Variants in NID2 observed in about 807,000 individuals in gnomAD.
The protein encoded by NID2 is nidogen 2.
NID2 carries 83 observed loss-of-function variants against 145.4 expected under a neutral mutation model. The ratio of observed to expected loss-of-function variants is 0.57; its 90% CI spans 0.48 to 0.69. NID2 has a LOEUF of 0.69. Among genes scored for constraint, NID2 ranks in the 30% least tolerant of loss-of-function variants. The pLI is 0.00. For synonymous variants in NID2, 739 were observed against 701.3 expected, an observed-to-expected ratio of 1.05 and a Z score of -0.85; for missense variants, 1,807 against 1,765.7, an observed-to-expected ratio of 1.02 and a Z score of -0.42.
intron 9 of NID2, among the ~76,000 whole-genome samples, chr14:52,032,804 G>GAAAAAAAAAAAAAAAA (rs3030384): frequency 7.1e-6 from 1 of 141,844 alleles, no homozygotes; most frequent in Non-Finnish European, 1.5e-5. Flanking sequence ...GGCATTAAAA[G>GAAAAAAAAAAAAAAAA]AAAAAAAAAA....
rs537355097 is a variant in NID2 at position 52,028,960 on chromosome 14, G to T, written c.2402-110C>A. On this transcript the variant is annotated intron_variant, in intron 10 of 21. Coordinates refer to ENST00000216286, the MANE Select transcript of NID2 (RefSeq NM_007361.4). ...AGTATGATGCTTCAATGGGACAAAT[G>T]GTTGGCAGATGTAGAATTTTTAAAA... 121 of 1,046,508 alleles carry T rather than the reference G, an allele frequency of 1.2e-4. 1 individual carries two copies. The South Asian group carries it at 2.3e-3, about 20-fold the overall frequency. The allele number at this position is 1,046,508 out of a possible 1,614,324, so 64.8% of individuals were successfully genotyped here. A position where few individuals can be genotyped will look rare whatever the true frequency, so the allele number is the denominator to read the frequency against.
At chr14:52,020,302 C>T (rs891882506) in intron 12 of NID2, 124 bp from the exon 13 acceptor site, 4 of 1,477,078 alleles carry the variant, frequency 2.7e-6, no homozygotes, top group South Asian at 1.3e-5. Flanking sequence ...CTTCAGAAGA[C>T]CTTTGAGCAT....
chr14:52,045,044 T>C (rs1267903328), intron 5 of NID2, among the ~76,000 whole-genome samples: 3 of 152,066 alleles, frequency 2.0e-5, no homozygotes, highest in Non-Finnish European at 1.5e-5. Flanking sequence ...AGCTGGAGAA[T>C]CTTAACTGCT....
Position 52,004,893 on chromosome 14 carries a change from T to A in NID2, c.*593A>T, listed in dbSNP as rs2140333664. On this transcript the variant is annotated 3_prime_UTR_variant, in exon 22 of 22. Transcript: ENST00000216286. The stretch of plus-strand genomic sequence containing the variant: ...TATTTATAAATGTGATACTTTACTT[T>A]CTGTGGGTACTTCTATAGAGGCACT... 1 of 164,644 alleles carries A rather than the reference T, an allele frequency of 6.1e-6. No individual in the cohort carries two copies. The highest frequency in any genetic ancestry group is 2.0e-4 in the South Asian group (1 of 5,076). The allele number at this position is 164,644 out of a possible 1,614,324, so 10.2% of individuals were successfully genotyped here.
intron 14 of NID2, 73 bp from the exon 15 acceptor site, chr14:52,015,348 C>T (rs1244090377): frequency 1.4e-6 from 2 of 1,423,652 alleles, no homozygotes; most frequent in Non-Finnish European, 9.6e-7. Flanking sequence ...AAATGTAGCT[C>T]AAGACCCCAT....
At chr14:52,056,132 G>T (rs1250700680) in intron 3 of NID2, among the ~76,000 whole-genome samples, 1 of 152,156 alleles carries the variant, frequency 6.6e-6, no homozygotes, top group East Asian at 1.9e-4. Flanking sequence ...GACAGTAGGA[G>T]AAAATCCTGA....
intron 2 of NID2, 21 bp from the exon 3 acceptor site, chr14:52,060,377 AAAGAGAGAG>A: frequency 1.7e-6 from 2 of 1,149,488 alleles, no homozygotes; most frequent in Non-Finnish European, 2.4e-6. Flanking sequence ...AAAAAAAAAA[AAAGAGAGAG>A]AGAGAGAGAG....
rs368768720 is a variant in NID2 at position 52,042,292 on chromosome 14, G to C, written c.1638C>G (p.Pro546=). 1.2e-6 allele frequency: 2 copies of C among 1,613,974 alleles called. No individual in the cohort carries two copies. Among genetic ancestry groups the C allele is most frequent in the African/African-American group, 2.7e-5 (2 of 74,918 alleles). ...VSGHLHVGHT[P]VHFTDVDLHA... is the part of the protein sequence containing the mutation. ...GCAGGTCCACATCAGTGAAGTGCACGGGTGTATGGCCCACGTGGAGGTGGC... is the reference window on the plus strand; with the variant it reads ...GCAGGTCCACATCAGTGAAGTGCACCGGTGTATGGCCCACGTGGAGGTGGC... Residue 546 remains proline, a synonymous_variant, in exon 7 of 22, where the codon CCC becomes CCG. Coordinates refer to ENST00000216286, the MANE Select transcript of NID2 (RefSeq NM_007361.4).
chr14:52,005,344 T>C lies in NID2; in HGVS notation c.*142A>G. 2 of 670,990 alleles carry C rather than the reference T, an allele frequency of 3.0e-6. No homozygotes were observed. The highest frequency in any genetic ancestry group is 1.8e-5 in the African/African-American group (1 of 54,848). 41.6% of individuals were successfully genotyped at this position (670,990 alleles called of 1,614,324 possible). ...GTATCAGCTTTTCACAAAAGTCTTT[T>C]TGCACTACAAAATGTTCATCTTGGA... On this transcript the variant is annotated 3_prime_UTR_variant, in exon 22 of 22. Transcript: ENST00000216286.
intron 12 of NID2, among the ~76,000 whole-genome samples, chr14:52,025,562 T>C (rs1314710277): frequency 6.6e-6 from 1 of 152,198 alleles, no homozygotes; most frequent in African/African-American, 2.4e-5. Flanking sequence ...TTTCTTATAG[T>C]TCTAAAGGCT....
chr14:52,040,952 C>T (rs763436335), intron 7 of NID2, 101 bp from the exon 8 acceptor site: 16 of 1,012,482 alleles, frequency 1.6e-5, no homozygotes, highest in Non-Finnish European at 2.2e-5. Context: ...TGTTGGAGAT[C>T]GTGCCTAAGG....
Position 52,007,943 on chromosome 14 carries a change from A to G in NID2, c.3747T>C (p.Asn1249=). 6.2e-7 allele frequency: 1 copy of G among 1,613,302 alleles called. No individual in the cohort carries two copies. Among genetic ancestry groups the G allele is most frequent in the Non-Finnish European group, 8.5e-7 (1 of 1,179,758 alleles). ...IRGNLYWTDW[N]REAPKIETSS... ...ACGTTTCAATTTTAGGAGCTTCTCT[A>G]TTCCAGTCTGTCCAGTACAAGTTGC... Residue 1249 remains asparagine (N), a synonymous_variant, in exon 19 of 22, where the codon AAT becomes AAC. Coordinates refer to ENST00000216286, the MANE Select transcript of NID2 (RefSeq NM_007361.4).
At chr14:52,048,332 G>A (rs1892575687) in intron 5 of NID2, among the ~76,000 whole-genome samples, 1 of 152,194 alleles carries the variant, frequency 6.6e-6, no homozygotes, top group African/African-American at 2.4e-5. Flanking sequence ...CTAGAACGGT[G>A]CTGAGCCCAC....
At chr14:52,015,471 A>G (rs1891186657) in intron 14 of NID2, among the ~76,000 whole-genome samples, 196 bp from the exon 15 acceptor site, 1 of 152,212 alleles carries the variant, frequency 6.6e-6, no homozygotes, top group Non-Finnish European at 1.5e-5. Context: ...GGAATCAGAA[A>G]TAGATCATGT....
chr14:52,053,322 C>T, intron 5 of NID2, among the ~76,000 whole-genome samples: 1 of 152,174 alleles, frequency 6.6e-6, no homozygotes. Flanking sequence ...ACCCAGTTTT[C>T]CCCCACTCAC....
intron 8 of NID2, 64 bp from the exon 9 acceptor site, chr14:52,039,041 A>G (rs948448246): frequency 6.0e-5 from 70 of 1,168,068 alleles, no homozygotes; most frequent in Non-Finnish European, 7.9e-5. Flanking sequence ...TGTGAGGTGG[A>G]TTTTTCTGCA....
At chr14:52,044,519 C>T (rs1892414114) in intron 5 of NID2, among the ~76,000 whole-genome samples, 1 of 152,134 alleles carries the variant, frequency 6.6e-6, no homozygotes, top group Non-Finnish European at 1.5e-5. Flanking sequence ...ATCCACCTGC[C>T]TCGGCCTCCC....
At chr14:52,011,353 A>G (rs1002862389) in intron 17 of NID2, among the ~76,000 whole-genome samples, 2 of 152,228 alleles carry the variant, frequency 1.3e-5, no homozygotes, top group Non-Finnish European at 2.9e-5. Context: ...AAGTGCGCAC[A>G]GTAGGAATCA....
chr14:52,010,836 G>T, intron 18 of NID2, 40 bp downstream of exon 18: 3 of 1,593,944 alleles, frequency 1.9e-6, no homozygotes, highest in Non-Finnish European at 2.6e-6. Flanking sequence ...TTCACATCAG[G>T]ATCTACAGGT....
Sources: gnomAD v4.1 joint callset for allele counts (sites outside exome capture counted in the v4.1 genomes callset) on GRCh38, gnomAD v4.1.1 for gene constraint, MANE v1.5 for transcripts, NCBI Gene and HGNC (gene_info 2026-07-23, HGNC 2026-07-21) for gene names.